Variants in KRTAP5-11 observed in about 807,000 individuals in gnomAD.
KRTAP5-11 encodes keratin-associated protein 5-11.
For missense variants in KRTAP5-11, 202 were observed against 188.7 expected, an observed-to-expected ratio of 1.07 and a Z score of -0.41; for synonymous variants, 88 against 73.0, an observed-to-expected ratio of 1.21 and a Z score of -1.05.
rs1229024973 is a variant in KRTAP5-11 at position 71,582,854 on chromosome 11, G to A, written c.-17C>T. 2.5e-6 allele frequency: 4 copies of A among 1,613,986 alleles called. No homozygotes were observed. In the South Asian group the frequency reaches 4.4e-5, roughly 18 times the overall value. Reference sequence around the variant, plus strand: ...GCAGCCCATGATTCTGGCGGATTGAGAGTAGAGCAGGTAGAGGAGCAGGTG... The same window carrying A: ...GCAGCCCATGATTCTGGCGGATTGAAAGTAGAGCAGGTAGAGGAGCAGGTG... On this transcript the variant is annotated 5_prime_UTR_variant, in exon 1 of 1. Transcript: ENST00000398530.
Position 71,582,329 on chromosome 11 carries a change from A to G in KRTAP5-11, c.*38T>C, listed in dbSNP as rs1207061692. On this transcript the variant is annotated 3_prime_UTR_variant, in exon 1 of 1. Transcript: ENST00000398530. ...CAGAGAAACCATAAGAAATGCTTTC[A>G]CCAAAGAGGAGAAACCTGAAGGTCT... is the stretch of plus-strand genomic sequence containing the variant. 8 of 1,613,646 alleles carry G rather than the reference A, an allele frequency of 5.0e-6. No individual in the cohort carries two copies. The highest frequency in any genetic ancestry group is 5.9e-6 in the Non-Finnish European group (7 of 1,179,600).
chr11:71,582,419 C>G lies in KRTAP5-11; in HGVS notation c.419G>C (p.Cys140Ser), dbSNP rs1180783694. ...SCCQSSCFKP[C>S]CCQSSCCVPV... The stretch of plus-strand genomic sequence containing the variant: ...GACACAGCAGCTGGACTGGCAGCAG[C>G]AGGGCTTGAAGCAGCTAGACTGGCA... Residue 140 changes from cysteine to serine, a missense_variant, in exon 1 of 1, where the codon TGC becomes TCC. Coordinates refer to ENST00000398530, the MANE Select transcript of KRTAP5-11 (RefSeq NM_001005405.3). 10 of 1,614,000 alleles carry G rather than the reference C, an allele frequency of 6.2e-6. No homozygotes were observed. In the Admixed American group the frequency reaches 1.5e-4, roughly 24 times the overall value.
Position 71,582,641 on chromosome 11 carries a change from C to A in KRTAP5-11, c.197G>T (p.Gly66Val). Residue 66 changes from glycine to valine, a missense_variant, in exon 1 of 1, where the codon GGC (glycine) becomes GTC (valine). By Grantham distance (109) the Gly-to-Val change is moderately radical. Transcript: ENST00000398530. ...CTTGGAGCTCCCACAAGAGCCACAG[C>A]CCCCTTTGGAGCCCCCACAGGAGCC... ...SCGSCGGSKGGCGSCGSSKGG... is the reference protein window; with the variant it reads ...SCGSCGGSKGVCGSCGSSKGG... 1.2e-6 allele frequency: 2 copies of A among 1,614,056 alleles called. No homozygotes were observed. Among genetic ancestry groups the A allele is most frequent in the Non-Finnish European group, 1.7e-6 (2 of 1,180,038 alleles).
At position 71,582,611 on chromosome 11, in the gene KRTAP5-11, C is replaced by T. The variant is rs1228861918; in HGVS notation, c.227G>A (p.Gly76Glu). Residue 76 changes from glycine (G) to glutamate (E), a missense_variant, in exon 1 of 1, where the codon GGG becomes GAG. Physicochemically the swap from Gly to Glu is moderately conservative, Grantham distance 98. Coordinates refer to ENST00000398530, the MANE Select transcript of KRTAP5-11 (RefSeq NM_001005405.3). ...GCGSCGSSKG[G>E]CGSCGCSQSN... is the part of the protein sequence containing the mutation. ...CTGGGAGCAGCCACAAGAACCACAC[C>T]CACCCTTGGAGCTCCCACAAGAGCC... The T allele has an allele frequency of 6.2e-7, 1 of 1,613,962 alleles. No homozygotes were observed. Among genetic ancestry groups the T allele is most frequent in the Non-Finnish European group, 8.5e-7 (1 of 1,180,014 alleles).
In KRTAP5-11 at chr11:71,582,567, A is replaced by G; in HGVS notation, c.271T>C (p.Cys91Arg). The change falls in exon 1 of 1, where the codon TGC becomes CGC. Residue 91 changes from cysteine (C) to arginine (R), a missense_variant. Transcript: ENST00000398530. ...GCSQSNCCKP[C>R]CSSSGCGSFC... ...GACCCACAGCCTGAGGAGGAGCAGC[A>G]GGGCTTACAGCAGTTGGACTGGGAG... 1 of 1,613,794 alleles carries G rather than the reference A, an allele frequency of 6.2e-7. No individual in the cohort carries two copies. Among genetic ancestry groups the G allele is most frequent in the Non-Finnish European group, 8.5e-7 (1 of 1,179,926 alleles).
At position 71,582,598 on chromosome 11, in the gene KRTAP5-11, A is replaced by G; in HGVS notation, c.240T>C (p.Cys80=). ...TACAGCAGTTGGACTGGGAGCAGCC[A>G]CAAGAACCACACCCACCCTTGGAGC... is the stretch of plus-strand genomic sequence containing the variant. ...CGSSKGGCGS[C]GCSQSNCCKP... is the part of the protein sequence containing the mutation. The change falls in exon 1 of 1, where the codon TGT becomes TGC. Residue 80 remains cysteine, a synonymous_variant. Transcript: ENST00000398530. The G allele has an allele frequency of 6.2e-7, 1 of 1,614,100 alleles. No individual in the cohort carries two copies. Among genetic ancestry groups the G allele is most frequent in the Non-Finnish European group, 8.5e-7 (1 of 1,179,984 alleles).
In KRTAP5-11 at chr11:71,582,167, G is replaced by A; in HGVS notation, c.*200C>T. The A allele has an allele frequency of 1.7e-6, 2 of 1,177,358 alleles. No homozygotes were observed. Among genetic ancestry groups the A allele is most frequent in the Non-Finnish European group, 2.4e-6 (2 of 843,734 alleles). The allele number at this position is 1,177,358 out of a possible 1,614,324, so 72.9% of individuals were successfully genotyped here. On this transcript the variant is annotated 3_prime_UTR_variant, in exon 1 of 1. Transcript: ENST00000398530. ...CAGGGAAGAACACCTCCTGCATCAA[G>A]GAAACACATGTTTCCGGAGTGAGGA... is the stretch of plus-strand genomic sequence containing the variant.
rs1950273189 is a variant in KRTAP5-11 at position 71,582,265 on chromosome 11, G to C, written c.*102C>G. Reference sequence around the variant, plus strand: ...ATGCATGGATGATGAGCTAGAGCAGGTGCAGGTGCCTCAGGATGATGTGTG... The same window carrying C: ...ATGCATGGATGATGAGCTAGAGCAGCTGCAGGTGCCTCAGGATGATGTGTG... On this transcript the variant is annotated 3_prime_UTR_variant, in exon 1 of 1. Coordinates refer to ENST00000398530, the MANE Select transcript of KRTAP5-11 (RefSeq NM_001005405.3). 1.3e-6 allele frequency: 2 copies of C among 1,587,392 alleles called. No homozygotes were observed. The highest frequency in any genetic ancestry group is 2.7e-5 in the African/African-American group (2 of 74,458).
Position 71,582,014 on chromosome 11 carries a change from A to G in KRTAP5-11, c.*353T>C, listed in dbSNP as rs1296112596. The G allele has an allele frequency of 1.1e-5, 4 of 368,356 alleles. No individual in the cohort carries two copies. The East Asian group carries it at 2.3e-4, about 21-fold the overall frequency. The allele number at this position is 368,356 out of a possible 1,614,324, so 22.8% of individuals were successfully genotyped here. A position where few individuals can be genotyped will look rare whatever the true frequency, so the allele number is the denominator to read the frequency against. ...GGACCCAGAATCCCAGTGGTGGTTG[A>G]GAAACTGGTTCTTAGTGATCACTCA... On this transcript the variant is annotated 3_prime_UTR_variant, in exon 1 of 1. Coordinates refer to ENST00000398530, the MANE Select transcript of KRTAP5-11 (RefSeq NM_001005405.3).
Position 71,582,784 on chromosome 11 carries a change from G to T in KRTAP5-11, c.54C>A (p.Gly18=), listed in dbSNP as rs773377217. Reference sequence around the variant, plus strand: ...CAGAGCCACAGCCCCCACTGCCGGAGCCACAGCCCCCACAGCCAGAGCCAC... The same window carrying T: ...CAGAGCCACAGCCCCCACTGCCGGATCCACAGCCCCCACAGCCAGAGCCAC... The part of the protein sequence containing the change: ...GGCGSGCGGC[G]SGSGGCGSGC... The change falls in exon 1 of 1, where the codon GGC becomes GGA. Residue 18 remains glycine (G), a synonymous_variant. Coordinates refer to ENST00000398530, the MANE Select transcript of KRTAP5-11 (RefSeq NM_001005405.3). 1.9e-6 allele frequency: 3 copies of T among 1,569,170 alleles called. No homozygotes were observed. The highest frequency in any genetic ancestry group is 2.6e-6 in the Non-Finnish European group (3 of 1,160,576).
chr11:71,581,899 A>G lies in KRTAP5-11; in HGVS notation c.*468T>C, dbSNP rs924371142. ...GGCTTTATTGCAAGGAAATTCATTC[A>G]TTTTTTTTTTAAATAGATGGAGACA... On this transcript the variant is annotated 3_prime_UTR_variant, in exon 1 of 1. Coordinates refer to ENST00000398530, the MANE Select transcript of KRTAP5-11 (RefSeq NM_001005405.3). 1 of 185,218 alleles carries G rather than the reference A, an allele frequency of 5.4e-6. No individual in the cohort carries two copies. Among genetic ancestry groups the G allele is most frequent in the East Asian group, 1.3e-4 (1 of 7,422 alleles). 11.5% of individuals were successfully genotyped at this position (185,218 alleles called of 1,614,324 possible). A position where few individuals can be genotyped will look rare whatever the true frequency, so the allele number is the denominator to read the frequency against.
chr11:71,582,271 G>C lies in KRTAP5-11; in HGVS notation c.*96C>G. 6.3e-7 allele frequency: 1 copy of C among 1,591,104 alleles called. No homozygotes were observed. Among genetic ancestry groups the C allele is most frequent in the Non-Finnish European group, 8.6e-7 (1 of 1,167,490 alleles). The stretch of plus-strand genomic sequence containing the variant: ...GGATGATGAGCTAGAGCAGGTGCAG[G>C]TGCCTCAGGATGATGTGTGGGATGA... On this transcript the variant is annotated 3_prime_UTR_variant, in exon 1 of 1. Coordinates refer to ENST00000398530, the MANE Select transcript of KRTAP5-11 (RefSeq NM_001005405.3).
At position 71,582,653 on chromosome 11, in the gene KRTAP5-11, C is replaced by A. The variant is rs1404353676; in HGVS notation, c.185G>T (p.Gly62Val). The A allele has an allele frequency of 1.9e-6, 3 of 1,613,810 alleles. No homozygotes were observed. Among genetic ancestry groups the A allele is most frequent in the Non-Finnish European group, 2.5e-6 (3 of 1,180,006 alleles). ...ACAAGAGCCACAGCCCCCTTTGGAGCCCCCACAGGAGCCACAGCTGGAGCA... is the reference window on the plus strand; with the variant it reads ...ACAAGAGCCACAGCCCCCTTTGGAGACCCCACAGGAGCCACAGCTGGAGCA... ...CSCSSCGSCG[G>V]SKGGCGSCGS... is the part of the protein sequence containing the mutation. The change falls in exon 1 of 1, where the codon GGC becomes GTC. Residue 62 changes from glycine to valine, a missense_variant. Coordinates refer to ENST00000398530, the MANE Select transcript of KRTAP5-11 (RefSeq NM_001005405.3).
chr11:71,582,674 G>T lies in KRTAP5-11; in HGVS notation c.164C>A (p.Ser55Tyr). Residue 55 changes from serine (S) to tyrosine (Y), a missense_variant, in exon 1 of 1, where the codon TCC becomes TAC. Ser to Tyr is a moderately radical substitution (Grantham distance 144, BLOSUM62 -2). Transcript: ENST00000398530. ...VCCCVPACSC[S>Y]SCGSCGGSKG... ...GGAGCCCCCACAGGAGCCACAGCTG[G>T]AGCAGGAACAGGCTGGCACACAGCA... 6 of 1,613,858 alleles carry T rather than the reference G, an allele frequency of 3.7e-6. No homozygotes were observed. The highest frequency in any genetic ancestry group is 5.1e-6 in the Non-Finnish European group (6 of 1,179,980).
rs1950271824 is a variant in KRTAP5-11 at position 71,582,020 on chromosome 11, T to G, written c.*347A>C. On this transcript the variant is annotated 3_prime_UTR_variant, in exon 1 of 1. Coordinates refer to ENST00000398530, the MANE Select transcript of KRTAP5-11 (RefSeq NM_001005405.3). ...AGAATCCCAGTGGTGGTTGAGAAAC[T>G]GGTTCTTAGTGATCACTCAGGAATG... 2.6e-6 allele frequency: 1 copy of G among 378,850 alleles called. No homozygotes were observed. Among genetic ancestry groups the G allele is most frequent in the South Asian group, 3.6e-5 (1 of 27,724 alleles). The allele number at this position is 378,850 out of a possible 1,614,324, so 23.5% of individuals were successfully genotyped here.
Position 71,581,982 on chromosome 11 carries a change from C to A in KRTAP5-11, c.*385G>T. The stretch of plus-strand genomic sequence containing the variant: ...TGGGTCACAGGAGAACAGGCAGCAG[C>A]CCAGGAGGACCCAGAATCCCAGTGG... On this transcript the variant is annotated 3_prime_UTR_variant, in exon 1 of 1. Coordinates refer to ENST00000398530, the MANE Select transcript of KRTAP5-11 (RefSeq NM_001005405.3). The A allele has an allele frequency of 3.2e-6, 1 of 316,354 alleles. No homozygotes were observed. The highest frequency in any genetic ancestry group is 4.2e-5 in the South Asian group (1 of 23,606). The allele number at this position is 316,354 out of a possible 1,614,324, so 19.6% of individuals were successfully genotyped here. A position where few individuals can be genotyped will look rare whatever the true frequency, so the allele number is the denominator to read the frequency against.
chr11:71,582,748 G>T lies in KRTAP5-11; in HGVS notation c.90C>A (p.Gly30=), dbSNP rs1343471884. The T allele has an allele frequency of 3.9e-6, 6 of 1,529,994 alleles. No homozygotes were observed. Among genetic ancestry groups the T allele is most frequent in the African/African-American group, 4.0e-5 (2 of 50,216 alleles). The allele number at this position is 1,529,994 out of a possible 1,614,324, so 94.8% of individuals were successfully genotyped here. A position where few individuals can be genotyped will look rare whatever the true frequency, so the allele number is the denominator to read the frequency against. Residue 30 remains glycine, a synonymous_variant, in exon 1 of 1, where the codon GGC becomes GGA. Coordinates refer to ENST00000398530, the MANE Select transcript of KRTAP5-11 (RefSeq NM_001005405.3). ...GSGGCGSGCG[G]CGSSCCVPIC... Reference sequence around the variant, plus strand: ...TGGGCACACAGCAGCTGGAGCCACAGCCCCCACAGCCAGAGCCACAGCCCC... The same window carrying T: ...TGGGCACACAGCAGCTGGAGCCACATCCCCCACAGCCAGAGCCACAGCCCC...
chr11:71,581,926 C>T lies in KRTAP5-11; in HGVS notation c.*441G>A, dbSNP rs1193953846. On this transcript the variant is annotated 3_prime_UTR_variant, in exon 1 of 1. Coordinates refer to ENST00000398530, the MANE Select transcript of KRTAP5-11 (RefSeq NM_001005405.3). ...TTTTTTTTTAAATAGATGGAGACAACAGGAAGGAAGGAGACCTTCTTGCTC... is the reference window on the plus strand; with the variant it reads ...TTTTTTTTTAAATAGATGGAGACAATAGGAAGGAAGGAGACCTTCTTGCTC... 2.4e-5 allele frequency: 5 copies of T among 209,916 alleles called. No homozygotes were observed. The highest frequency in any genetic ancestry group is 3.8e-5 in the Non-Finnish European group (4 of 103,912). 13.0% of individuals were successfully genotyped at this position (209,916 alleles called of 1,614,324 possible).
chr11:71,582,551 C>T lies in KRTAP5-11; in HGVS notation c.287G>A (p.Gly96Asp), dbSNP rs1048447420. ...GGACTGGCAGCAGAATGACCCACAGCCTGAGGAGGAGCAGCAGGGCTTACA... is the reference window on the plus strand; with the variant it reads ...GGACTGGCAGCAGAATGACCCACAGTCTGAGGAGGAGCAGCAGGGCTTACA... ...NCCKPCCSSS[G>D]CGSFCCQSSC... Residue 96 changes from glycine to aspartate, a missense_variant, in exon 1 of 1, where the codon GGC becomes GAC. Coordinates refer to ENST00000398530, the MANE Select transcript of KRTAP5-11 (RefSeq NM_001005405.3). 1.1e-5 allele frequency: 17 copies of T among 1,613,714 alleles called. No individual in the cohort carries two copies. The highest frequency in any genetic ancestry group is 1.4e-5 in the Non-Finnish European group (17 of 1,179,932).
Sources: gnomAD v4.1 joint callset for allele counts on GRCh38, gnomAD v4.1.1 for gene constraint, MANE v1.5 for transcripts, NCBI Gene and HGNC (gene_info 2026-07-23, HGNC 2026-07-21) for gene names.